MYOF: variants seen among roughly 807,000 people sequenced by gnomAD.
MYOF encodes fer-1-like 3, myoferlin.
MYOF carries 244 observed loss-of-function variants against 284.2 expected under a neutral mutation model. The ratio of observed to expected loss-of-function variants is 0.86; its 90% CI spans 0.77 to 0.95. MYOF has a LOEUF of 0.95. Ranked by LOEUF, MYOF falls within the 40% of genes least tolerant of loss-of-function variation. MYOF has a pLI of 0.00. For missense variants in MYOF, 2,496 were observed against 2,560.6 expected (o/e 0.97, Z 0.54); for synonymous variants, 904 against 919.7 (o/e 0.98, Z 0.31).
intron 2 of MYOF, among the ~76,000 whole-genome samples, chr10:93,452,574 A>C (rs1232343769): frequency 2.1e-5 from 2 of 95,304 alleles, no homozygotes; most frequent in Admixed American, 1.3e-4. Context: ...GGGAGGGGGG[A>C]GGGATAGCAT....
chr10:93,310,916 CCTT>C (rs1842354844), intron 51 of MYOF, among the ~76,000 whole-genome samples: 1 of 152,104 alleles, frequency 6.6e-6, no homozygotes, highest in Non-Finnish European at 1.5e-5. Flanking sequence ...ACATTGGTCT[CCTT>C]GTCTCCCCAC....
At chr10:93,428,106 C>T (rs538567520) in intron 4 of MYOF, among the ~76,000 whole-genome samples, 89 of 152,106 alleles carry the variant, frequency 5.9e-4, no homozygotes, top group African/African-American at 1.9e-3. Context: ...TGCACACACA[C>T]ACAAGGTGAC....
chr10:93,310,413 C>A, intron 52 of MYOF, 121 bp downstream of exon 52: 2 of 1,067,224 alleles, frequency 1.9e-6, no homozygotes, highest in Non-Finnish European at 2.7e-6. Flanking sequence ...CCCCCACCCA[C>A]CACTATTAAA....
intron 3 of MYOF, among the ~76,000 whole-genome samples, chr10:93,442,212 T>C (rs1185617773): frequency 6.6e-6 from 1 of 152,200 alleles, no homozygotes; most frequent in Non-Finnish European, 1.5e-5. Flanking sequence ...GACGGACTCA[T>C]AGTTGATATA....
At chr10:93,404,367 G>A (rs1292466456) in intron 7 of MYOF, 148 bp from the exon 8 acceptor site, 4 of 751,450 alleles carry the variant, frequency 5.3e-6, no homozygotes, top group Non-Finnish European at 8.7e-6. Flanking sequence ...GCAAGGCCTG[G>A]AGTTTAAGCC....
chr10:93,449,910 G>T (rs1048410732), intron 3 of MYOF, among the ~76,000 whole-genome samples: 1 of 152,138 alleles, frequency 6.6e-6, no homozygotes, highest in Non-Finnish European at 1.5e-5. Flanking sequence ...ACTGTCCAGG[G>T]AGTCCATGTC....
rs1249919380 is a variant in MYOF at position 93,347,802 on chromosome 10, G to C, written c.4084-20C>G. On this transcript the variant is annotated intron_variant, in intron 36 of 53. Coordinates refer to ENST00000359263, the MANE Select transcript of MYOF (RefSeq NM_013451.4). ...CAAGAACTGGGGGTCACAAAGGTAGGTTTCATTTCTCAAGACCAGACGAGG... is the reference window on the plus strand; with the variant it reads ...CAAGAACTGGGGGTCACAAAGGTAGCTTTCATTTCTCAAGACCAGACGAGG... The C allele has an allele frequency of 6.2e-7, 1 of 1,603,300 alleles. No homozygotes were observed. Among genetic ancestry groups the C allele is most frequent in the East Asian group, 2.3e-5 (1 of 44,362 alleles).
chr10:93,365,776 A>G (rs1394168412), intron 26 of MYOF, among the ~76,000 whole-genome samples: 2 of 152,156 alleles, frequency 1.3e-5, no homozygotes, highest in African/African-American at 2.4e-5. Flanking sequence ...TATGGGGAAC[A>G]CTAAGATAGT....
rs375458517 is a variant in MYOF, at chr10:93,451,523, G to A, written c.236+527C>T. On this transcript the variant is annotated intron_variant, in intron 3 of 53. Coordinates refer to ENST00000359263, the MANE Select transcript of MYOF (RefSeq NM_013451.4). ...AGAGGACAACCCTCAGTGTCACCAC[G>A]GGCACCACCGTGACCCTTCCCCATG... Among the ~76,000 whole-genome samples, 321 of 152,078 alleles carry A rather than the reference G, an allele frequency of 2.1e-3. 2 individuals carry two copies. Among genetic ancestry groups the A allele is most frequent in the East Asian group, 8.3e-3 (43 of 5,174 alleles).
intron 1 of MYOF, among the ~76,000 whole-genome samples, chr10:93,469,047 C>T (rs1433777958): frequency 6.6e-6 from 1 of 152,166 alleles, no homozygotes; most frequent in Non-Finnish European, 1.5e-5. Context: ...TTCATCTGCA[C>T]AATCGGTATG....
At chr10:93,445,442 C>T (rs1442058901) in intron 3 of MYOF, among the ~76,000 whole-genome samples, 1 of 152,262 alleles carries the variant, frequency 6.6e-6, no homozygotes, top group Non-Finnish European at 1.5e-5. Flanking sequence ...TCTTCAGCCT[C>T]TGGGAAAATC....
chr10:93,399,401 A>T lies in MYOF; in HGVS notation c.1212T>A (p.Ala404=), dbSNP rs1847170504. The T allele has an allele frequency of 1.9e-6, 3 of 1,610,252 alleles. No individual in the cohort carries two copies. The Admixed American group carries it at 5.0e-5, about 27-fold the overall frequency. Residue 404 remains alanine, a synonymous_variant, in exon 13 of 54, where the codon GCT becomes GCA. Transcript: ENST00000359263. ...TAGATCATGTACAAACCTTTTTTCC[A>T]GCAAAGGAAACTTCTACAAAAGGAT... is the stretch of plus-strand genomic sequence containing the variant. ...LVDPFVEVSF[A]GKKVCTNIIE...
In MYOF at chr10:93,337,866, C is replaced by T. The variant is rs536153779; in HGVS notation, c.4386G>A (p.Gly1462=). Residue 1462 remains glycine (G), a synonymous_variant, in exon 40 of 54, where the codon GGG becomes GGA. Coordinates refer to ENST00000359263, the MANE Select transcript of MYOF (RefSeq NM_013451.4). Reference sequence around the variant, plus strand: ...TATACTGTCCGCATTTTTCATGTTCCCCTGAGGAAGCATAAAATTTACTCC... The same window carrying T: ...TATACTGTCCGCATTTTTCATGTTCTCCTGAGGAAGCATAAAATTTACTCC... ...DWWSKFYASS[G]EHEKCGQYIQ... 1 of 1,614,002 alleles carries T rather than the reference C, an allele frequency of 6.2e-7. No homozygotes were observed. Among genetic ancestry groups the T allele is most frequent in the South Asian group, 1.1e-5 (1 of 91,064 alleles).
At chr10:93,381,489 A>C in intron 19 of MYOF, 93 bp from the exon 20 acceptor site, 1 of 1,263,942 alleles carries the variant, frequency 7.9e-7, no homozygotes, top group Non-Finnish European at 1.1e-6. Context: ...ACACCTAATA[A>C]TTAGTGCTGA....
intron 50 of MYOF, among the ~76,000 whole-genome samples, chr10:93,315,008 G>A (rs1403341417): frequency 2.0e-5 from 3 of 152,170 alleles, no homozygotes; most frequent in Non-Finnish European, 4.4e-5. Flanking sequence ...CCTAGATCAT[G>A]CCACTGCACT....
At chr10:93,354,730 C>T (rs368267492) in intron 31 of MYOF, among the ~76,000 whole-genome samples, 2 of 136,250 alleles carry the variant, frequency 1.5e-5, no homozygotes, top group South Asian at 2.4e-4. Flanking sequence ...ATTATGATTC[C>T]GTGCACAGAT....
At chr10:93,480,695 C>T (rs532227464) in intron 1 of MYOF, among the ~76,000 whole-genome samples, 11 of 152,022 alleles carry the variant, frequency 7.2e-5, no homozygotes, top group South Asian at 2.1e-4. Context: ...TGGCTGGTCT[C>T]GAACTCCTGC....
intron 38 of MYOF, among the ~76,000 whole-genome samples, 172 bp downstream of exon 38, chr10:93,343,684 C>T (rs1217108727): frequency 2.0e-5 from 3 of 152,240 alleles, no homozygotes; most frequent in Non-Finnish European, 4.4e-5. Context: ...GTCATCATAA[C>T]TGTTGATGAG....
At chr10:93,317,405 AG>A (rs1242827563) in intron 49 of MYOF, among the ~76,000 whole-genome samples, 1 of 151,848 alleles carries the variant, frequency 6.6e-6, no homozygotes, top group Non-Finnish European at 1.5e-5. Context: ...TGGGAGGCCG[AG>A]GGGGTAGATT....
Sources: gnomAD v4.1 joint callset for allele counts (sites outside exome capture counted in the v4.1 genomes callset) on GRCh38, gnomAD v4.1.1 for gene constraint, MANE v1.5 for transcripts, NCBI Gene and HGNC (gene_info 2026-07-23, HGNC 2026-07-21) for gene names.